The following KDM5B variants were observed in gnomAD, a reference collection of about 807,000 sequenced individuals.
KDM5B encodes the protein lysine-specific demethylase 5B.
A neutral mutation model predicts 193.4 loss-of-function variants in KDM5B; 144 were observed. That is an observed-to-expected ratio of 0.74 (90% CI 0.65 to 0.86). KDM5B has a LOEUF of 0.86. Ranked by LOEUF, KDM5B falls within the 40% of genes least tolerant of loss-of-function variation. The pLI is 0.00. For missense variants in KDM5B, 1,833 were observed against 1,886.9 expected (o/e 0.97, Z 0.53); for synonymous variants, 668 against 682.6 (o/e 0.98, Z 0.33).
At position 202,725,327 on chromosome 1, in the gene KDM5B, G is replaced by A. The variant is rs190219148; in HGVS notation, c.*3709C>T. ...TTTACAAATTGATTCTTTACATCTT[G>A]AAGATGGATTTACAACAGTATTACT... is the stretch of plus-strand genomic sequence containing the variant. On this transcript the variant is annotated 3_prime_UTR_variant, in exon 27 of 27. Coordinates refer to ENST00000367265, the MANE Select transcript of KDM5B (RefSeq NM_006618.5). 1 of 152,344 alleles carries A rather than the reference G, an allele frequency of 6.6e-6. No individual in the cohort carries two copies. The highest frequency in any genetic ancestry group is 1.9e-4 in the East Asian group (1 of 5,194). The allele number at this position is 152,344 out of a possible 1,614,324, so 9.4% of individuals were successfully genotyped here.
At chr1:202,766,569 A>T (rs1279218123) in intron 5 of KDM5B, 4 of 424,832 alleles carry the variant, frequency 9.4e-6, no homozygotes, top group Non-Finnish European at 1.3e-5. Context: ...TCTGTTTAAA[A>T]AAACTCCTAA....
chr1:202,797,239 CTGCCCCT>C (rs1196411125), intron 1 of KDM5B: 2 of 152,232 alleles, frequency 1.3e-5, no homozygotes, highest in Admixed American at 1.3e-4. Context: ...CAGGGGTAGG[CTGCCCCT>C]CTGGGCAGCC....
chr1:202,778,959 T>C (rs1657078767), intron 1 of KDM5B, among the ~76,000 whole-genome samples: 1 of 152,114 alleles, frequency 6.6e-6, no homozygotes, highest in African/African-American at 2.4e-5. Flanking sequence ...ATTTTCCCTA[T>C]ATATGTTAAG....
At chr1:202,733,987 CAT>C in intron 22 of KDM5B, 101 bp from the exon 23 acceptor site, 3 of 1,370,564 alleles carry the variant, frequency 2.2e-6, no homozygotes, top group Non-Finnish European at 3.0e-6. Flanking sequence ...CTGAGTAGAT[CAT>C]CTGTATTCAA....
rs1487327231 is a variant in KDM5B, at chr1:202,807,633, C to A, written c.204+469G>T. The stretch of plus-strand genomic sequence containing the variant: ...GAAAACTTTCCTCCTCGCACGACAA[C>A]TCGCAAGTCCCCCACCCCCACCCCA... On this transcript the variant is annotated intron_variant, in intron 1 of 26. Coordinates refer to ENST00000367265, the MANE Select transcript of KDM5B (RefSeq NM_006618.5). Among the ~76,000 whole-genome samples the A allele has an allele frequency of 2.6e-5, 4 of 151,610 alleles. No homozygotes were observed. In the East Asian group the frequency reaches 7.9e-4, roughly 30 times the overall value.
intron 20 of KDM5B, 60 bp downstream of exon 20, chr1:202,740,614 C>T (rs560512505): frequency 1.5e-5 from 22 of 1,493,956 alleles, no homozygotes; most frequent in South Asian, 2.5e-5. Context: ...CCGGACGGGG[C>T]GCCAATATTG....
At chr1:202,795,376 G>A (rs1293921843) in intron 1 of KDM5B, among the ~76,000 whole-genome samples, 2 of 152,024 alleles carry the variant, frequency 1.3e-5, no homozygotes, top group African/African-American at 4.8e-5. Context: ...TAGAAGCTGG[G>A]CGCAGTGGCT....
At chr1:202,770,758 G>T (rs1005712107) in intron 4 of KDM5B, among the ~76,000 whole-genome samples, 1 of 152,124 alleles carries the variant, frequency 6.6e-6, no homozygotes, top group Non-Finnish European at 1.5e-5. Flanking sequence ...AAAAATAGCC[G>T]TGAGAGAAGT....
intron 1 of KDM5B, among the ~76,000 whole-genome samples, chr1:202,785,353 A>G (rs201964151): frequency 6.6e-6 from 1 of 151,924 alleles, no homozygotes; most frequent in African/African-American, 2.4e-5. Flanking sequence ...ATATTTTCCC[A>G]TTGTTATTTC....
At chr1:202,790,733 TAATA>T (rs902183990) in intron 1 of KDM5B, among the ~76,000 whole-genome samples, 110 of 151,572 alleles carry the variant, frequency 7.3e-4, no homozygotes, top group African/African-American at 2.6e-3. Flanking sequence ...GAAAAAATAA[TAATA>T]AATATAAAAA....
At chr1:202,735,918 C>G (rs569077286) in intron 21 of KDM5B, among the ~76,000 whole-genome samples, 4 of 152,306 alleles carry the variant, frequency 2.6e-5, no homozygotes, top group African/African-American at 9.6e-5. Context: ...ATTTATCAGG[C>G]TTACTAAATT....
chr1:202,741,682 T>G lies in KDM5B; in HGVS notation c.2630A>C (p.Gln877Pro). The change falls in exon 19 of 27, where the codon CAG becomes CCG. Residue 877 changes from glutamine (Q) to proline (P), a missense_variant. Physicochemically the swap from Gln to Pro is moderately conservative, Grantham distance 76. Coordinates refer to ENST00000367265, the MANE Select transcript of KDM5B (RefSeq NM_006618.5). The stretch of plus-strand genomic sequence containing the variant: ...AGGCGTTTCCTCAGAGAGTAGTTTC[T>G]GACTATGCTGTTGAAAATCTTCTAC... ...NRVEDFQQHSQKLLSEETPSA... is the reference protein window; with the variant it reads ...NRVEDFQQHSPKLLSEETPSA... The G allele has an allele frequency of 6.2e-7, 1 of 1,613,274 alleles. No individual in the cohort carries two copies. The highest frequency in any genetic ancestry group is 8.5e-7 in the Non-Finnish European group (1 of 1,179,712).
At chr1:202,752,764 G>T in intron 12 of KDM5B, 141 bp downstream of exon 12, 1 of 750,910 alleles carries the variant, frequency 1.3e-6, no homozygotes, top group Non-Finnish European at 2.2e-6. Context: ...GTACAGTACT[G>T]CAGCAAAACA....
At position 202,756,528 on chromosome 1, in the gene KDM5B, A is replaced by T; in HGVS notation, c.1198-12T>A. ...TCTGTGGGGACCATCTGGAAATACA[A>T]GGAATAGAAAAAATGAGTTTCCTCA... On this transcript the variant is annotated splice_polypyrimidine_tract_variant and intron_variant, in intron 9 of 26. Transcript: ENST00000367265. 1.3e-6 allele frequency: 2 copies of T among 1,560,900 alleles called. No individual in the cohort carries two copies. Among genetic ancestry groups the T allele is most frequent in the Non-Finnish European group, 1.7e-6 (2 of 1,153,784 alleles).
chr1:202,801,969 T>C (rs1210338674), intron 1 of KDM5B, among the ~76,000 whole-genome samples: 3 of 150,268 alleles, frequency 2.0e-5, no homozygotes, highest in Non-Finnish European at 3.0e-5. Context: ...TTCCCAACCT[T>C]CATTCCATCT....
rs368857130 is a variant in KDM5B at position 202,749,159 on chromosome 1, G to GA, written c.1822-21dup. The GA allele has an allele frequency of 9.4e-5, 150 of 1,589,126 alleles. No individual in the cohort carries two copies. The African/African-American group carries it at 1.7e-3, about 18-fold the overall frequency. ...TGGCAGCTGTATCAAAACACGGAAAGAAAAAAATAACATTCATCTTTCTTC... is the reference window on the plus strand; with the variant it reads ...TGGCAGCTGTATCAAAACACGGAAAGAAAAAAAATAACATTCATCTTTCTTC... On this transcript the variant is annotated intron_variant, in intron 13 of 26. Coordinates refer to ENST00000367265, the MANE Select transcript of KDM5B (RefSeq NM_006618.5).
intron 10 of KDM5B, among the ~76,000 whole-genome samples, 161 bp from the exon 11 acceptor site, chr1:202,755,613 A>G (rs1245252544): frequency 1.3e-5 from 2 of 152,194 alleles, no homozygotes; most frequent in Non-Finnish European, 2.9e-5. Context: ...CGTTTTGCCC[A>G]GTTTTGAGCT....
At chr1:202,729,502 A>T (rs1332691448) in intron 26 of KDM5B, 3 of 603,778 alleles carry the variant, frequency 5.0e-6, no homozygotes, top group East Asian at 2.8e-5. Flanking sequence ...GGAAAAAGGG[A>T]AGAACAAGAG....
At chr1:202,781,498 T>C (rs1373472837) in intron 1 of KDM5B, among the ~76,000 whole-genome samples, 1 of 152,198 alleles carries the variant, frequency 6.6e-6, no homozygotes, top group Non-Finnish European at 1.5e-5. Context: ...ATACTATACT[T>C]TGTTAAAGTT....
Sources: allele counts gnomAD v4.1 joint callset (sites outside exome capture counted in the v4.1 genomes callset), GRCh38; gene constraint gnomAD v4.1.1; transcripts MANE v1.5; gene names NCBI Gene and HGNC (gene_info 2026-07-23, HGNC 2026-07-21).